CHLSN: variants seen among roughly 807,000 people sequenced by gnomAD.
The protein encoded by CHLSN is cholesin.
At chr7:1,012,513 C>T in the CHLSN span, among the ~76,000 whole-genome samples, 6 of 152,254 alleles carry the variant, frequency 3.9e-5, no homozygotes, top group Non-Finnish European at 5.9e-5. Flanking sequence ...GCGGAAACAG[C>T]TTCCTTCACA....
the CHLSN span, among the ~76,000 whole-genome samples, chr7:1,079,348 C>T: frequency 2.6e-5 from 4 of 152,304 alleles, no homozygotes; most frequent in South Asian, 2.1e-4. Context: ...TCAAATCACA[C>T]GAGAATTGTG....
At chr7:992,077 A>G in the CHLSN span, among the ~76,000 whole-genome samples, 1 of 152,184 alleles carries the variant, frequency 6.6e-6, no homozygotes, top group Non-Finnish European at 1.5e-5. Flanking sequence ...CATGGTGCCC[A>G]GATGTCATGG....
chr7:980,529 A>C, the CHLSN span, among the ~76,000 whole-genome samples: 1 of 151,338 alleles, frequency 6.6e-6, no homozygotes, highest in South Asian at 2.1e-4. Flanking sequence ...CCTTGCAAGT[A>C]TGCACACAGA....
the CHLSN span, among the ~76,000 whole-genome samples, chr7:980,684 CTT>C: frequency 8.9e-3 from 861 of 97,004 alleles, 3 homozygotes; most frequent in South Asian, 0.026. Flanking sequence ...GTAACAGTTA[CTT>C]TTTTTTTTTT....
the CHLSN span, among the ~76,000 whole-genome samples, chr7:1,109,916 A>G: frequency 1.3e-5 from 2 of 150,304 alleles, no homozygotes; most frequent in East Asian, 3.9e-4. Context: ...GACTCTAACT[A>G]CCTCCGCTCT....
the CHLSN span, chr7:1,080,735 G>A: frequency 1.3e-5 from 2 of 152,294 alleles, no homozygotes; most frequent in South Asian, 2.1e-4. Flanking sequence ...CCGACACATC[G>A]TTAAGCAGCT....
At chr7:1,029,862 G>C in the CHLSN span, among the ~76,000 whole-genome samples, 1 of 152,208 alleles carries the variant, frequency 6.6e-6, no homozygotes, top group Non-Finnish European at 1.5e-5. Context: ...TTCCCATGCA[G>C]AGGCCTGCTC....
At chr7:1,081,247 C>G in the CHLSN span, among the ~76,000 whole-genome samples, 1 of 152,222 alleles carries the variant, frequency 6.6e-6, no homozygotes, top group Non-Finnish European at 1.5e-5. Flanking sequence ...GCTAAGCACA[C>G]CCAGCCCCGC....
At chr7:990,774 T>C in the CHLSN span, among the ~76,000 whole-genome samples, 2 of 151,868 alleles carry the variant, frequency 1.3e-5, no homozygotes, top group Non-Finnish European at 1.5e-5. Flanking sequence ...CACTGAAAAC[T>C]TGAAGGGCAG....
the CHLSN span, chr7:1,092,302 C>T: frequency 6.2e-7 from 1 of 1,611,594 alleles, no homozygotes; most frequent in Non-Finnish European, 8.5e-7. Context: ...CACGCTGGTG[C>T]CCTTCACCGC....
At chr7:1,126,523 T>C in the CHLSN span, among the ~76,000 whole-genome samples, 1 of 151,724 alleles carries the variant, frequency 6.6e-6, no homozygotes, top group Non-Finnish European at 1.5e-5. Context: ...CTATCAAATA[T>C]ACAAAAAACT....
chr7:1,024,465 G>C, the CHLSN span: 1 of 152,356 alleles, frequency 6.6e-6, no homozygotes, highest in African/African-American at 2.4e-5. Flanking sequence ...CAAGAGAGAC[G>C]CAGAAGCCCC....
At chr7:1,091,420 G>A in the CHLSN span, 1 of 318,742 alleles carries the variant, frequency 3.1e-6, no homozygotes, top group African/African-American at 2.1e-5. Flanking sequence ...CCCAGAGAGT[G>A]AGCAGCTCCA....
the CHLSN span, among the ~76,000 whole-genome samples, chr7:1,089,286 C>G: frequency 6.6e-6 from 1 of 152,218 alleles, no homozygotes; most frequent in Non-Finnish European, 1.5e-5. Context: ...AATTCACCAG[C>G]CCCAGCTAAG....
chr7:1,080,156 T>C, the CHLSN span, among the ~76,000 whole-genome samples: 1 of 152,218 alleles, frequency 6.6e-6, no homozygotes, highest in African/African-American at 2.4e-5. Context: ...GGCAGCTTTG[T>C]ATGAAGCTAA....
At chr7:991,431 A>G in the CHLSN span, among the ~76,000 whole-genome samples, 1 of 151,518 alleles carries the variant, frequency 6.6e-6, no homozygotes, top group African/African-American at 2.4e-5. Flanking sequence ...GCAGGTATCA[A>G]ATCTCCTTTA....
the CHLSN span, chr7:1,028,257 C>T: frequency 9.1e-7 from 1 of 1,095,484 alleles, no homozygotes; most frequent in Non-Finnish European, 1.1e-6. Flanking sequence ...CGCGCACTGA[C>T]CTCTGACCCG....
At chr7:1,048,226 C>T in the CHLSN span, among the ~76,000 whole-genome samples, 239 of 152,288 alleles carry the variant, frequency 1.6e-3, no homozygotes, top group African/African-American at 5.3e-3. Flanking sequence ...CCGGAAACTT[C>T]GTGGGGATCA....
chr7:1,130,732 G>A, the CHLSN span, among the ~76,000 whole-genome samples: 51 of 152,326 alleles, frequency 3.3e-4, 1 homozygote, highest in South Asian at 0.011. Context: ...GCGGGGGGGT[G>A]CCACAGAGGT....
Sources: gnomAD v4.1 joint callset for allele counts (sites outside exome capture counted in the v4.1 genomes callset) on GRCh38, gnomAD v4.1.1 for gene constraint, MANE v1.5 for transcripts, NCBI Gene and HGNC (gene_info 2026-07-23, HGNC 2026-07-21) for gene names.